Variants in KCNH5 observed in about 807,000 individuals in gnomAD.
The protein encoded by KCNH5 is potassium voltage-gated channel subfamily H member 5.
KCNH5 carries 46 observed loss-of-function variants against 96.1 expected under a neutral mutation model. That is an observed-to-expected ratio of 0.48 (90% CI 0.38 to 0.61). The LOEUF is 0.61. Among genes scored for constraint, KCNH5 ranks in the 20% least tolerant of loss-of-function variants. The pLI is 0.00. For missense variants in KCNH5, 907 were observed against 1,225.8 expected, an observed-to-expected ratio of 0.74 and a Z score of 3.88; for synonymous variants, 439 against 449.8, an observed-to-expected ratio of 0.98 and a Z score of 0.30.
intron 6 of KCNH5, among the ~76,000 whole-genome samples, chr14:62,978,537 A>G (rs1890544999): frequency 6.6e-6 from 1 of 151,360 alleles, no homozygotes; most frequent in Non-Finnish European, 1.5e-5. Flanking sequence ...CAGTGAGCCG[A>G]GACAGAGCCC....
At chr14:63,011,196 T>C (rs1891218838) in intron 2 of KCNH5, among the ~76,000 whole-genome samples, 1 of 151,926 alleles carries the variant, frequency 6.6e-6, no homozygotes, top group Non-Finnish European at 1.5e-5. Context: ...AAGAATACAG[T>C]TTTCGGCCCG....
chr14:62,987,323 C>T (rs1476963196), intron 4 of KCNH5, 136 bp from the exon 5 acceptor site: 7 of 653,338 alleles, frequency 1.1e-5, no homozygotes, highest in East Asian at 2.7e-5. Flanking sequence ...AAAGTATTTT[C>T]TTTCCTTCTG....
At chr14:62,867,967 T>C (rs934249124) in intron 7 of KCNH5, among the ~76,000 whole-genome samples, 4 of 152,226 alleles carry the variant, frequency 2.6e-5, no homozygotes, top group African/African-American at 7.2e-5. Context: ...CTACCTGACA[T>C]TGGATTGTGA....
At chr14:62,828,885 T>C (rs1211885513) in intron 8 of KCNH5, among the ~76,000 whole-genome samples, 1 of 152,016 alleles carries the variant, frequency 6.6e-6, no homozygotes, top group Non-Finnish European at 1.5e-5. Context: ...CAAGGCAAGT[T>C]CCTTCTGCCT....
At chr14:62,956,755 T>C (rs1566721357) in intron 6 of KCNH5, among the ~76,000 whole-genome samples, 1 of 152,164 alleles carries the variant, frequency 6.6e-6, no homozygotes, top group Non-Finnish European at 1.5e-5. Context: ...TTGGCAAGTT[T>C]AATTTCACTT....
intron 1 of KCNH5, among the ~76,000 whole-genome samples, chr14:63,041,885 A>C (rs1442166599): frequency 6.6e-6 from 1 of 152,164 alleles, no homozygotes; most frequent in Non-Finnish European, 1.5e-5. Flanking sequence ...TACAGAATAC[A>C]GTGCTGGTAT....
intron 5 of KCNH5, among the ~76,000 whole-genome samples, chr14:62,986,404 T>C (rs1890709118): frequency 6.6e-6 from 1 of 151,982 alleles, no homozygotes; most frequent in Admixed American, 6.6e-5. Context: ...CACCCTACCT[T>C]CTCCTTCCCC....
chr14:62,781,061 G>A (rs895242162), intron 9 of KCNH5, among the ~76,000 whole-genome samples: 1 of 151,962 alleles, frequency 6.6e-6, no homozygotes, highest in Non-Finnish European at 1.5e-5. Flanking sequence ...TATTCACATA[G>A]GTTCTTTTCT....
intron 10 of KCNH5, among the ~76,000 whole-genome samples, chr14:62,747,192 G>A (rs1211276637): frequency 1.3e-5 from 2 of 152,190 alleles, no homozygotes; most frequent in Non-Finnish European, 2.9e-5. Flanking sequence ...AAAATCAGCT[G>A]GGCGTGGTGG....
At chr14:62,874,642 C>A (rs1368710502) in intron 7 of KCNH5, among the ~76,000 whole-genome samples, 2 of 151,556 alleles carry the variant, frequency 1.3e-5, no homozygotes. Flanking sequence ...AATTCAACAA[C>A]CTTCATGCTA....
At chr14:62,986,469 C>T (rs925485858) in intron 5 of KCNH5, among the ~76,000 whole-genome samples, 1 of 152,112 alleles carries the variant, frequency 6.6e-6, no homozygotes, top group Non-Finnish European at 1.5e-5. Context: ...TACCTCATCT[C>T]TGACCCTTTG....
intron 8 of KCNH5, among the ~76,000 whole-genome samples, chr14:62,808,547 T>A (rs2140005391): frequency 6.6e-6 from 1 of 152,238 alleles, no homozygotes; most frequent in African/African-American, 2.4e-5. Context: ...CAGTTTAACA[T>A]TAATAGTACA....
At chr14:62,909,313 G>A (rs895948636) in intron 7 of KCNH5, among the ~76,000 whole-genome samples, 2 of 151,862 alleles carry the variant, frequency 1.3e-5, no homozygotes, top group Non-Finnish European at 1.5e-5. Context: ...CCAAAGTGCT[G>A]GGATTACAGG....
At chr14:62,728,893 G>A (rs1025760965) in intron 10 of KCNH5, among the ~76,000 whole-genome samples, 3 of 152,190 alleles carry the variant, frequency 2.0e-5, no homozygotes, top group Non-Finnish European at 4.4e-5. Context: ...GTAGACAGGT[G>A]TAGAAGACTA....
At chr14:62,773,815 A>T (rs1364127584) in intron 10 of KCNH5, among the ~76,000 whole-genome samples, 1 of 152,220 alleles carries the variant, frequency 6.6e-6, no homozygotes, top group Non-Finnish European at 1.5e-5. Flanking sequence ...TGCCTTATGG[A>T]CAAATATAAC....
intron 1 of KCNH5, among the ~76,000 whole-genome samples, chr14:63,024,433 T>A (rs1250264572): frequency 1.3e-5 from 2 of 151,738 alleles, no homozygotes; most frequent in African/African-American, 4.8e-5. Context: ...ATAATAAAGA[T>A]TTGAGCAGAA....
chr14:62,994,645 T>A (rs1044220476), intron 4 of KCNH5, among the ~76,000 whole-genome samples: 4 of 152,042 alleles, frequency 2.6e-5, no homozygotes, highest in African/African-American at 4.8e-5. Flanking sequence ...ATTCTCAACC[T>A]GTGCTTCATT....
chr14:62,755,413 C>G (rs1595608218), intron 10 of KCNH5, among the ~76,000 whole-genome samples: 2 of 152,210 alleles, frequency 1.3e-5, no homozygotes, highest in African/African-American at 4.8e-5. Flanking sequence ...GATAGACCAA[C>G]AAGAAGTAAT....
chr14:62,937,521 G>C (rs1208921186), intron 7 of KCNH5, among the ~76,000 whole-genome samples: 1 of 152,178 alleles, frequency 6.6e-6, no homozygotes, highest in Non-Finnish European at 1.5e-5. Context: ...AGTCAGGAGT[G>C]TAAAGGAATG....
Sources: gnomAD v4.1 joint callset for allele counts (sites outside exome capture counted in the v4.1 genomes callset) on GRCh38, gnomAD v4.1.1 for gene constraint, MANE v1.5 for transcripts, NCBI Gene and HGNC (gene_info 2026-07-23, HGNC 2026-07-21) for gene names.